Variants in RIPK1 observed in about 807,000 individuals in gnomAD.
RIPK1 encodes receptor interacting serine/threonine kinase 1, also known as receptor-interacting serine/threonine-protein kinase 1.
Under a neutral mutation model 62.4 loss-of-function variants are expected in RIPK1, and 27 were observed. That is an observed-to-expected ratio of 0.43 (90% CI 0.32 to 0.60). RIPK1 has a LOEUF of 0.60. RIPK1 is among the 20% of genes least tolerant of loss of function. The probability of loss-of-function intolerance (pLI) is 0.07; values close to 1 mark genes in which losing one functional copy is unlikely to be tolerated. For missense variants in RIPK1, 735 were observed against 831.0 expected (o/e 0.88, Z 1.42); for synonymous variants, 287 against 303.2 (o/e 0.95, Z 0.55).
At chr6:3,098,088 A>G (rs1467969913) in intron 7 of RIPK1, among the ~76,000 whole-genome samples, 1 of 152,190 alleles carries the variant, frequency 6.6e-6, no homozygotes, top group African/African-American at 2.4e-5. Context: ...GGTCCCAGCT[A>G]CTCAGGAGGC....
intron 7 of RIPK1, among the ~76,000 whole-genome samples, chr6:3,102,011 C>G (rs1052485609): frequency 6.6e-6 from 1 of 152,168 alleles, no homozygotes; most frequent in Non-Finnish European, 1.5e-5. Flanking sequence ...TTCTAGGTAG[C>G]TCCTAGCAAA....
rs1284014209 is a variant in RIPK1 at position 3,110,961 on chromosome 6, A to C, written c.1729+6A>C. The C allele has an allele frequency of 6.2e-7, 1 of 1,607,166 alleles. No homozygotes were observed. On this transcript the variant is annotated splice_donor_region_variant and intron_variant, in intron 10 of 10. Coordinates refer to ENST00000259808, the MANE Select transcript of RIPK1 (RefSeq NM_001354930.2). ...TAAGTACCAAGCTATCTTTGGTAAGATACCCTGGAAGGACTCAACGCCTAG... is the reference window on the plus strand; with the variant it reads ...TAAGTACCAAGCTATCTTTGGTAAGCTACCCTGGAAGGACTCAACGCCTAG...
At chr6:3,075,889 T>G (rs1269697320) in intron 1 of RIPK1, among the ~76,000 whole-genome samples, 1 of 152,024 alleles carries the variant, frequency 6.6e-6, no homozygotes, top group Non-Finnish European at 1.5e-5. Context: ...ACAAATATGT[T>G]TGTTTGCCAT....
rs112979664 is a variant in RIPK1 at position 3,096,550 on chromosome 6, GTTTTTTTTTTT to G, written c.915+6910_915+6920del. 6.4e-4 allele frequency among the ~76,000 whole-genome samples: 63 copies of G among 98,462 alleles called. 2 individuals are homozygous for G. The South Asian group carries it at 0.023, about 36-fold the overall frequency. The allele number at this position is 98,462 out of a possible 152,430, so 64.6% of individuals were successfully genotyped here. A position where few individuals can be genotyped will look rare whatever the true frequency, so the allele number is the denominator to read the frequency against. On this transcript the variant is annotated intron_variant, in intron 7 of 10. Transcript: ENST00000259808. ...AATGCAATCTCAACCAATATCTCAAGTTTTTTTTTTTTTTTTTTTTTTTTTTTGAGACAGAG... is the reference window on the plus strand; with the variant it reads ...AATGCAATCTCAACCAATATCTCAAGTTTTTTTTTTTTTTTTGAGACAGAG...
At chr6:3,106,401 G>T (rs1430561221) in intron 9 of RIPK1, among the ~76,000 whole-genome samples, 2 of 152,298 alleles carry the variant, frequency 1.3e-5, no homozygotes, top group African/African-American at 4.8e-5. Context: ...GCTACTTTTT[G>T]AAGGTAAGAA....
chr6:3,068,476 G>A (rs1427512283), upstream of RIPK1: 11 of 985,230 alleles, frequency 1.1e-5, no homozygotes, highest in Non-Finnish European at 1.2e-5. Flanking sequence ...CGGGGCAGGG[G>A]GAGGAGGCAG....
At chr6:3,085,995 A>G (rs966568592) in intron 6 of RIPK1, among the ~76,000 whole-genome samples, 11 of 152,180 alleles carry the variant, frequency 7.2e-5, no homozygotes, top group African/African-American at 2.7e-4. Flanking sequence ...TCGTCCGTCT[A>G]TGGGCACTTA....
chr6:3,064,301 C>T (rs1298528887), upstream of RIPK1, among the ~76,000 whole-genome samples: 1 of 152,180 alleles, frequency 6.6e-6, no homozygotes, highest in Non-Finnish European at 1.5e-5. Context: ...GGCGCCTCCT[C>T]GCTGCCCTTC....
rs778541048 is a variant in RIPK1 at position 3,081,031 on chromosome 6, G to A, written c.374G>A (p.Gly125Glu). ...AGGATAATTTTGGAAATCATTGAAG[G>A]AATGTGCTACTTACATGGAAAAGGC... is the stretch of plus-strand genomic sequence containing the variant. ...KGRIILEIIEGMCYLHGKGVI... is the reference protein window; with the variant it reads ...KGRIILEIIEEMCYLHGKGVI... Residue 125 changes from glycine (G) to glutamate (E), a missense_variant, in exon 4 of 11, where the codon GGA becomes GAA. Gly to Glu is a moderately conservative substitution (Grantham distance 98). Transcript: ENST00000259808. The A allele has an allele frequency of 1.2e-6, 2 of 1,614,050 alleles. No homozygotes were observed. The highest frequency in any genetic ancestry group is 1.1e-5 in the South Asian group (1 of 91,080).
chr6:3,087,842 G>A (rs768721207), intron 6 of RIPK1, among the ~76,000 whole-genome samples: 7 of 152,126 alleles, frequency 4.6e-5, no homozygotes, highest in South Asian at 2.1e-4. Context: ...CCGGCCTACC[G>A]AGCTTTTTAT....
Position 3,114,867 on chromosome 6 carries a change from A to G in RIPK1, c.*1528A>G, listed in dbSNP as rs1049232822. 4 of 151,764 alleles carry G rather than the reference A, an allele frequency of 2.6e-5. No individual in the cohort carries two copies. The highest frequency in any genetic ancestry group is 4.9e-5 in the African/African-American group (2 of 41,212). The allele number at this position is 151,764 out of a possible 1,614,324, so 9.4% of individuals were successfully genotyped here. A position where few individuals can be genotyped will look rare whatever the true frequency, so the allele number is the denominator to read the frequency against. On this transcript the variant is annotated 3_prime_UTR_variant, in exon 11 of 11. Transcript: ENST00000259808. This position sits in a 1 kb window ranked among gnomAD's most constrained non-coding sequence, Gnocchi z 5.0. ...TGACAATAGTCTCTAAACATTGTCA[A>G]ATGGTCCAAGGAAAGGGGAAAATTG... is the stretch of plus-strand genomic sequence containing the variant.
At chr6:3,080,855 C>A in intron 3 of RIPK1, 124 bp from the exon 4 acceptor site, 1 of 772,018 alleles carries the variant, frequency 1.3e-6, no homozygotes, top group Non-Finnish European at 2.0e-6. Context: ...CTGTGGTGCA[C>A]CTGCTGGAAG....
chr6:3,075,035 A>C (rs1182213148), intron 1 of RIPK1, among the ~76,000 whole-genome samples: 1 of 152,200 alleles, frequency 6.6e-6, no homozygotes, highest in Admixed American at 6.5e-5. Context: ...TTACTCTCAA[A>C]GCAAAACACA....
At position 3,114,670 on chromosome 6, in the gene RIPK1, C is replaced by G. The variant is rs116237824; in HGVS notation, c.*1331C>G. On this transcript the variant is annotated 3_prime_UTR_variant, in exon 11 of 11. Coordinates refer to ENST00000259808, the MANE Select transcript of RIPK1 (RefSeq NM_001354930.2). The surrounding 1 kb of genome is among the most constrained non-coding windows in gnomAD (Gnocchi z 5.0). ...CAACTCTAGCAGACACATACACACC[C>G]CTGAAATGGGGCTGCAGAGCAGGCT... 1 of 152,226 alleles carries G rather than the reference C, an allele frequency of 6.6e-6. No individual in the cohort carries two copies. The highest frequency in any genetic ancestry group is 1.5e-5 in the Non-Finnish European group (1 of 68,100). The allele number at this position is 152,226 out of a possible 1,614,324, so 9.4% of individuals were successfully genotyped here.
upstream of RIPK1, among the ~76,000 whole-genome samples, chr6:3,067,547 T>C (rs886571543): frequency 1.3e-5 from 2 of 152,182 alleles, no homozygotes; most frequent in African/African-American, 4.8e-5. Flanking sequence ...TCAGAGCTTT[T>C]GCCCGCCTTT....
rs1256476093 is a variant in RIPK1 at position 3,105,465 on chromosome 6, T to C, written c.1007-17T>C. 2.0e-6 allele frequency: 3 copies of C among 1,513,268 alleles called. No individual in the cohort carries two copies. Among genetic ancestry groups the C allele is most frequent in the Admixed American group, 2.3e-5 (1 of 44,142 alleles). The allele number at this position is 1,513,268 out of a possible 1,614,324, so 93.7% of individuals were successfully genotyped here. On this transcript the variant is annotated splice_polypyrimidine_tract_variant and intron_variant, in intron 8 of 10. Coordinates refer to ENST00000259808, the MANE Select transcript of RIPK1 (RefSeq NM_001354930.2). The surrounding 1 kb of genome is among the most constrained non-coding windows in gnomAD (Gnocchi z 4.5). The stretch of plus-strand genomic sequence containing the variant: ...TGTTTCATGACACCCATTCTAATGT[T>C]GATCATTTCTTCTCAGCCACAGAAC...
chr6:3,073,066 A>T (rs1300646579), intron 1 of RIPK1, among the ~76,000 whole-genome samples: 1 of 152,136 alleles, frequency 6.6e-6, no homozygotes, highest in Non-Finnish European at 1.5e-5. Context: ...AGCTAGAGAC[A>T]TAAAGCAGGC....
chr6:3,084,471 C>G (rs902227712), intron 5 of RIPK1, among the ~76,000 whole-genome samples: 1 of 152,108 alleles, frequency 6.6e-6, no homozygotes, highest in African/African-American at 2.4e-5. Flanking sequence ...GCTTCTCTTC[C>G]TGGAGTCCTC....
chr6:3,101,341 G>A (rs1431786732), intron 7 of RIPK1, among the ~76,000 whole-genome samples: 1 of 152,230 alleles, frequency 6.6e-6, no homozygotes, highest in East Asian at 1.9e-4. Flanking sequence ...TGTAATCCCA[G>A]CTCTTTGGGA....
Sources: gnomAD v4.1 joint callset for allele counts (sites outside exome capture counted in the v4.1 genomes callset) on GRCh38, gnomAD v4.1.1 for gene constraint, Gnocchi (gnomAD v3.1) non-coding constraint, MANE v1.5 for transcripts, NCBI Gene and HGNC (gene_info 2026-07-23, HGNC 2026-07-21) for gene names.